Variants in CD3E observed in about 807,000 individuals in gnomAD.
CD3E encodes the protein CD3 epsilon subunit of T-cell receptor complex.
A neutral mutation model predicts 34.7 loss-of-function variants in CD3E; 16 were observed. The ratio of observed to expected loss-of-function variants is 0.46; its 90% CI spans 0.31 to 0.70. CD3E has a LOEUF of 0.70. Among genes scored for constraint, CD3E ranks in the 30% least tolerant of loss-of-function variants. The probability of loss-of-function intolerance (pLI) is 0.05; values close to 1 mark genes in which losing one functional copy is unlikely to be tolerated. For synonymous variants in CD3E, 70 were observed against 90.8 expected, an observed-to-expected ratio of 0.77 and a Z score of 1.30; for missense variants, 223 against 253.9, an observed-to-expected ratio of 0.88 and a Z score of 0.83.
intron 8 of CD3E, among the ~76,000 whole-genome samples, chr11:118,314,842 G>A (rs781070133): frequency 6.6e-5 from 10 of 151,978 alleles, no homozygotes; most frequent in African/African-American, 1.7e-4. Flanking sequence ...CCAGTATAGC[G>A]AGTTATTGAA....
chr11:118,308,547 G>A (rs1948120003), intron 4 of CD3E, 106 bp downstream of exon 4: 1 of 766,254 alleles, frequency 1.3e-6, no homozygotes, highest in Admixed American at 2.0e-5. Context: ...CTATTAAAGG[G>A]AAAATACAAG....
At chr11:118,308,464 T>C in intron 4 of CD3E, 23 bp downstream of exon 4, 1 of 1,531,582 alleles carries the variant, frequency 6.5e-7, no homozygotes, top group South Asian at 1.1e-5. Context: ...CCACTCTATC[T>C]AGCAAAAGTT....
Position 118,313,804 on chromosome 11 carries a change from C to T in CD3E, c.450C>T (p.Tyr150=). The T allele has an allele frequency of 6.2e-7, 1 of 1,614,118 alleles. No individual in the cohort carries two copies. The highest frequency in any genetic ancestry group is 8.5e-7 in the Non-Finnish European group (1 of 1,180,040). The change falls in exon 7 of 9, where the codon TAC becomes TAT. Residue 150 remains tyrosine (Y), a synonymous_variant. Coordinates refer to ENST00000361763, the MANE Select transcript of CD3E (RefSeq NM_000733.4). ...GGGGCTTGCTGCTGCTGGTTTACTA[C>T]TGGAGCAAGAATAGAAAGGCCAAGG... The part of the protein sequence containing the change: ...ITGGLLLLVY[Y]WSKNRKAKAK...
Position 118,307,214 on chromosome 11 carries a change from A to C in CD3E, c.50-74A>C, listed in dbSNP as rs1302677872. 6.9e-6 allele frequency: 8 copies of C among 1,158,442 alleles called. No individual in the cohort carries two copies. In the Admixed American group the frequency reaches 1.4e-4, roughly 20 times the overall value. 71.8% of individuals were successfully genotyped at this position (1,158,442 alleles called of 1,614,324 possible). A position where few individuals can be genotyped will look rare whatever the true frequency, so the allele number is the denominator to read the frequency against. On this transcript the variant is annotated intron_variant, in intron 2 of 8. Coordinates refer to ENST00000361763, the MANE Select transcript of CD3E (RefSeq NM_000733.4). ...GTCATCAGTGGTCATACTGCAACAC[A>C]GCCCTTTTTCTGTTTAGGAATGCAG...
chr11:118,315,708 T>C lies in CD3E; in HGVS notation c.*166T>C. 1 of 678,796 alleles carries C rather than the reference T, an allele frequency of 1.5e-6. No homozygotes were observed. The highest frequency in any genetic ancestry group is 2.7e-6 in the Non-Finnish European group (1 of 374,208). 42.0% of individuals were successfully genotyped at this position (678,796 alleles called of 1,614,324 possible). A position where few individuals can be genotyped will look rare whatever the true frequency, so the allele number is the denominator to read the frequency against. ...ATCCCCCGCTCCCTCCTCCCTGCCT[T>C]CTCTGCTGGTACCCAGTCCTAAAAT... On this transcript the variant is annotated 3_prime_UTR_variant, in exon 9 of 9. Transcript: ENST00000361763.
rs143949187 is a variant in CD3E at position 118,312,170 on chromosome 11, C to T, written c.103C>T (p.Pro35Ser). The T allele has an allele frequency of 2.0e-3, 3,206 of 1,611,270 alleles. 19 individuals carry two copies. The highest frequency in any genetic ancestry group is 1.8e-3 in the Non-Finnish European group (2,115 of 1,177,500). Residue 35 changes from proline to serine, a missense_variant and splice_region_variant, in exon 5 of 9, where the codon CCA becomes TCA. Pro to Ser is a moderately conservative substitution (Grantham distance 74, BLOSUM62 -1). Coordinates refer to ENST00000361763, the MANE Select transcript of CD3E (RefSeq NM_000733.4). ...ATTTTCAGGTGGTATTACACAGACA[C>T]GTGAGTTTATTGGTCTTTTATTTAT... Reference protein sequence around the residue: ...NEEMGGITQTPYKVSISGTTV... With the variant: ...NEEMGGITQTSYKVSISGTTV...
At chr11:118,307,883 C>T (rs1948116202) in intron 3 of CD3E, among the ~76,000 whole-genome samples, 1 of 152,140 alleles carries the variant, frequency 6.6e-6, no homozygotes, top group South Asian at 2.1e-4. Flanking sequence ...TTAATGGCAA[C>T]CATGGCTGGA....
In CD3E at chr11:118,304,983, G is replaced by T; in HGVS notation, c.31G>T (p.Gly11Cys). ...GTCGGGCACTCACTGGAGAGTTCTG[G>T]GCCTCTGCCTCTTATCAGGTGAGTA... MQSGTHWRVL[G>C]LCLLSVGVWG... is the part of the protein sequence containing the mutation. Residue 11 changes from glycine to cysteine, a missense_variant, in exon 2 of 9, where the codon GGC (glycine) becomes TGC (cysteine). Physicochemically the swap from Gly to Cys is radical, Grantham distance 159 (BLOSUM62 -3). Coordinates refer to ENST00000361763, the MANE Select transcript of CD3E (RefSeq NM_000733.4). The T allele has an allele frequency of 6.2e-7, 1 of 1,613,988 alleles. No homozygotes were observed. The highest frequency in any genetic ancestry group is 8.5e-7 in the Non-Finnish European group (1 of 1,179,868).
intron 4 of CD3E, among the ~76,000 whole-genome samples, chr11:118,308,844 T>C (rs971088665): frequency 6.6e-6 from 1 of 152,210 alleles, no homozygotes; most frequent in African/African-American, 2.4e-5. Context: ...AAGAAGCTGA[T>C]GGTCTTGTGT....
At chr11:118,308,465 A>G in intron 4 of CD3E, 24 bp downstream of exon 4, 1 of 1,533,128 alleles carries the variant, frequency 6.5e-7, no homozygotes, top group Non-Finnish European at 9.0e-7. Context: ...CACTCTATCT[A>G]GCAAAAGTTT....
At chr11:118,308,961 T>G (rs535114540) in intron 4 of CD3E, among the ~76,000 whole-genome samples, 2 of 152,184 alleles carry the variant, frequency 1.3e-5, no homozygotes, top group Non-Finnish European at 2.9e-5. Context: ...TGAGTGTCGT[T>G]GGGAAAGGTT....
chr11:118,305,923 T>A (rs1948102907), intron 2 of CD3E, among the ~76,000 whole-genome samples: 1 of 152,152 alleles, frequency 6.6e-6, no homozygotes, highest in Non-Finnish European at 1.5e-5. Flanking sequence ...AGCAACGATG[T>A]CTCCACTTCC....
intron 7 of CD3E, among the ~76,000 whole-genome samples, 155 bp downstream of exon 7, chr11:118,314,029 G>A (rs975763808): frequency 3.9e-5 from 6 of 152,110 alleles, no homozygotes; most frequent in Admixed American, 1.3e-4. Context: ...CTCAACAGAC[G>A]GTTTCAAATC....
intron 4 of CD3E, among the ~76,000 whole-genome samples, chr11:118,311,286 T>TGG (rs1948134312): frequency 6.6e-6 from 1 of 152,166 alleles, no homozygotes; most frequent in East Asian, 1.9e-4. Flanking sequence ...GAACCCAGTG[T>TGG]TCCAGCCACA....
chr11:118,307,379 T>G, intron 3 of CD3E, 71 bp downstream of exon 3: 1 of 1,353,962 alleles, frequency 7.4e-7, no homozygotes. Context: ...GAATGGAGCT[T>G]TCTCTTAGGC....
In CD3E at chr11:118,315,931, C is replaced by G. The variant is rs1024065695; in HGVS notation, c.*389C>G. ...CCATCTACTTTTCTATCGCCGTCCC[C>G]TTTTGCAGCCCTCTCTGGGGATGGA... On this transcript the variant is annotated 3_prime_UTR_variant, in exon 9 of 9. Transcript: ENST00000361763. 6.0e-6 allele frequency: 2 copies of G among 331,794 alleles called. No homozygotes were observed. Among genetic ancestry groups the G allele is most frequent in the Non-Finnish European group, 1.1e-5 (2 of 173,950 alleles). 20.6% of individuals were successfully genotyped at this position (331,794 alleles called of 1,614,324 possible). A position where few individuals can be genotyped will look rare whatever the true frequency, so the allele number is the denominator to read the frequency against.
chr11:118,315,526 A>C lies in CD3E; in HGVS notation c.608A>C (p.Asn203Thr), dbSNP rs745871914. The change falls in exon 9 of 9, where the codon AAT becomes ACT. Residue 203 changes from asparagine to threonine, a missense_variant. Transcript: ENST00000361763. ...CAGCGGGACCTGTATTCTGGCCTGA[A>C]TCAGAGACGCATCTGACCCTCTGGA... ...KGQRDLYSGL[N>T]QRRI The C allele has an allele frequency of 6.2e-7, 1 of 1,613,050 alleles. No individual in the cohort carries two copies.
At position 118,304,752 on chromosome 11, in the gene CD3E, C is replaced by T. The variant is rs202217877; in HGVS notation, c.-84C>T. On this transcript the variant is annotated 5_prime_UTR_variant, in exon 1 of 9. Transcript: ENST00000361763. ...TTCAGAAACCCTCCTCCCCTCCCAG[C>T]CTCAGGTGCCTGCTTCAGAAAATGG... The T allele has an allele frequency of 3.1e-5, 20 of 639,574 alleles. No individual in the cohort carries two copies. Among genetic ancestry groups the T allele is most frequent in the Non-Finnish European group, 4.9e-5 (17 of 350,418 alleles). 39.6% of individuals were successfully genotyped at this position (639,574 alleles called of 1,614,324 possible).
intron 5 of CD3E, 66 bp from the exon 6 acceptor site, chr11:118,312,552 G>C: frequency 6.3e-7 from 1 of 1,594,242 alleles, no homozygotes; most frequent in Non-Finnish European, 8.6e-7. Context: ...TGGTTCTTTT[G>C]TCACTAATTT....
Sources: gnomAD v4.1 joint callset for allele counts (sites outside exome capture counted in the v4.1 genomes callset) on GRCh38, gnomAD v4.1.1 for gene constraint, MANE v1.5 for transcripts, NCBI Gene and HGNC (gene_info 2026-07-23, HGNC 2026-07-21) for gene names.